The following BEGAIN variants were observed in gnomAD, a reference collection of about 807,000 sequenced individuals.
The protein encoded by BEGAIN is brain enriched guanylate kinase associated.
A neutral mutation model predicts 35.8 loss-of-function variants in BEGAIN; 19 were observed. That is an observed-to-expected ratio of 0.53 (90% CI 0.37 to 0.78). The LOEUF (loss-of-function observed/expected upper bound fraction) is 0.78, where lower values mean the gene tolerates loss of function less well. Among genes scored for constraint, BEGAIN ranks in the 30% least tolerant of loss-of-function variants. The pLI, the probability that BEGAIN is intolerant of heterozygous loss-of-function variation, is 0.00. For missense variants in BEGAIN, 795 were observed against 853.6 expected (o/e 0.93, Z 0.85); for synonymous variants, 462 against 388.6 (o/e 1.19, Z -2.22).
At chr14:100,587,202 TCCGCGC>T (rs1169246689) in intron 1 of BEGAIN, 41 bp downstream of exon 1, 20 of 171,970 alleles carry the variant, frequency 1.2e-4, no homozygotes, top group South Asian at 5.9e-4. Flanking sequence ...CCGCCCCGCC[TCCGCGC>T]CCGCGCCCGC....
intron 1 of BEGAIN, among the ~76,000 whole-genome samples, chr14:100,585,739 C>T (rs1002396587): frequency 1.3e-5 from 2 of 152,108 alleles, no homozygotes; most frequent in Non-Finnish European, 2.9e-5. Context: ...AACTCATCCT[C>T]CAGGCTGAGG....
At chr14:100,548,029 CAAATAA>C (rs2032761326) in intron 2 of BEGAIN, 1 of 152,170 alleles carries the variant, frequency 6.6e-6, no homozygotes, top group Non-Finnish European at 1.5e-5. Flanking sequence ...TTTTTAAAAA[CAAATAA>C]AAATAAAGCG....
chr14:100,551,135 G>A (rs1423031807), intron 2 of BEGAIN, among the ~76,000 whole-genome samples: 1 of 152,216 alleles, frequency 6.6e-6, no homozygotes, highest in Non-Finnish European at 1.5e-5. Flanking sequence ...GGGATCCGGG[G>A]TCCACTTCAC....
intron 6 of BEGAIN, 25 bp downstream of exon 6, chr14:100,540,471 G>C (rs746244591): frequency 7.7e-6 from 12 of 1,552,760 alleles, no homozygotes; most frequent in Non-Finnish European, 9.6e-6. Flanking sequence ...GGGGCGGGGT[G>C]GGCCTGGCTG....
In BEGAIN at chr14:100,539,293, C is replaced by T. The variant is rs1330669752; in HGVS notation, c.515G>A (p.Arg172His). 72 of 1,563,254 alleles carry T rather than the reference C, an allele frequency of 4.6e-5. No homozygotes were observed. Among genetic ancestry groups the T allele is most frequent in the Non-Finnish European group, 5.5e-5 (64 of 1,156,280 alleles). The change falls in exon 7 of 7, where the codon CGC becomes CAC. Residue 172 changes from arginine to histidine, a missense_variant. Physicochemically the swap from Arg to His is conservative, Grantham distance 29. Coordinates refer to ENST00000554140, the MANE Select transcript of BEGAIN (RefSeq NM_001385089.1). ...VSELPSDFQE[R>H]VSLHMEKHGC... is the part of the protein sequence containing the mutation. ...GTGCTTCTCCATGTGCAGGCTCACG[C>T]GCTCCTGGAAATCCGAGGGCAGCTG...
chr14:100,581,008 G>A (rs1295130237), intron 1 of BEGAIN, among the ~76,000 whole-genome samples: 1 of 152,168 alleles, frequency 6.6e-6, no homozygotes, highest in Admixed American at 6.5e-5. Context: ...TTCCCCAGCA[G>A]CAGCCGTTCA....
chr14:100,572,589 G>A (rs990875019), intron 1 of BEGAIN, among the ~76,000 whole-genome samples: 1 of 152,158 alleles, frequency 6.6e-6, no homozygotes, highest in African/African-American at 2.4e-5. Flanking sequence ...CCTCCTGGAG[G>A]GGAGGAAATG....
chr14:100,542,134 C>T (rs1312393006), intron 5 of BEGAIN, among the ~76,000 whole-genome samples: 2 of 152,172 alleles, frequency 1.3e-5, no homozygotes, highest in African/African-American at 4.8e-5. Context: ...CCATGTCCTC[C>T]TGTCCTCCTG....
At position 100,567,871 on chromosome 14, in the gene BEGAIN, C is replaced by T; in HGVS notation, c.71+40G>A. On this transcript the variant is annotated intron_variant, in intron 2 of 6. Coordinates refer to ENST00000554140, the MANE Select transcript of BEGAIN (RefSeq NM_001385089.1). The surrounding 1 kb of genome is among the most constrained non-coding windows in gnomAD (Gnocchi z 5.1). ...TTCCCCAGCGCCCTCACCCCCGACC[C>T]GGCCCCCGCGAGCCGCGGCACGGGA... The T allele has an allele frequency of 6.8e-7, 1 of 1,462,174 alleles. No individual in the cohort carries two copies. Among genetic ancestry groups the T allele is most frequent in the South Asian group, 1.3e-5 (1 of 79,492 alleles). The allele number at this position is 1,462,174 out of a possible 1,614,324, so 90.6% of individuals were successfully genotyped here.
intron 1 of BEGAIN, among the ~76,000 whole-genome samples, chr14:100,585,128 G>A (rs1483943996): frequency 6.6e-6 from 1 of 152,044 alleles, no homozygotes; most frequent in Non-Finnish European, 1.5e-5. Flanking sequence ...CACCTCCTGG[G>A]ACCCTGGGTA....
intron 6 of BEGAIN, among the ~76,000 whole-genome samples, chr14:100,539,946 A>G (rs1267191692): frequency 2.7e-5 from 4 of 146,834 alleles, no homozygotes; most frequent in Admixed American, 2.0e-4. Context: ...GGGAGATTGC[A>G]TGTGAGGGGA....
In BEGAIN at chr14:100,568,617, G is replaced by A. The variant is rs1278795367; in HGVS notation, c.43-678C>T. The A allele has an allele frequency of 1.1e-6, 1 of 938,068 alleles. No individual in the cohort carries two copies. Among genetic ancestry groups the A allele is most frequent in the Non-Finnish European group, 1.4e-6 (1 of 705,518 alleles). 58.1% of individuals were successfully genotyped at this position (938,068 alleles called of 1,614,324 possible). A position where few individuals can be genotyped will look rare whatever the true frequency, so the allele number is the denominator to read the frequency against. ...CTTGCTTGCGCAGACCCGCCCGCGC[G>A]CGGCTTGGAGACCCTCCCTGCCCAG... On this transcript the variant is annotated intron_variant, in intron 1 of 6. Transcript: ENST00000554140. The surrounding 1 kb of genome is among the most constrained non-coding windows in gnomAD (Gnocchi z 7.5).
Position 100,537,791 on chromosome 14 carries a change from G to T in BEGAIN, c.*178C>A. The T allele has an allele frequency of 1.0e-6, 1 of 981,114 alleles. No homozygotes were observed. 60.8% of individuals were successfully genotyped at this position (981,114 alleles called of 1,614,324 possible). On this transcript the variant is annotated 3_prime_UTR_variant, in exon 7 of 7. Coordinates refer to ENST00000554140, the MANE Select transcript of BEGAIN (RefSeq NM_001385089.1). ...CGGGGCCGGGTGGACACCGTGGTGT[G>T]GGGGACCCTCCCCTCAGGCCTACAG... is the stretch of plus-strand genomic sequence containing the variant.
At chr14:100,539,465 G>C in intron 6 of BEGAIN, 150 bp from the exon 7 acceptor site, 2 of 1,387,018 alleles carry the variant, frequency 1.4e-6, no homozygotes, top group Admixed American at 3.1e-5. Context: ...AATCACACCA[G>C]GGGGAGCCTG....
rs1191913501 is a variant in BEGAIN, at chr14:100,568,118, C to A, written c.43-179G>T. On this transcript the variant is annotated intron_variant, in intron 1 of 6. Transcript: ENST00000554140. The surrounding 1 kb of genome is among the most constrained non-coding windows in gnomAD (Gnocchi z 7.5). ...GCCGCGGCCCCCGTGACTCAGTGGG[C>A]GCGCCGGGCCGCGGCCGAGTAACAG... 3.9e-6 allele frequency: 4 copies of A among 1,015,854 alleles called. No individual in the cohort carries two copies. Among genetic ancestry groups the A allele is most frequent in the Non-Finnish European group, 4.7e-6 (4 of 850,480 alleles). The allele number at this position is 1,015,854 out of a possible 1,614,324, so 62.9% of individuals were successfully genotyped here. A position where few individuals can be genotyped will look rare whatever the true frequency, so the allele number is the denominator to read the frequency against.
At chr14:100,577,991 G>A (rs1166207135) in intron 1 of BEGAIN, 3 of 399,064 alleles carry the variant, frequency 7.5e-6, no homozygotes, top group East Asian at 3.6e-5. Flanking sequence ...CCCCAAGAGC[G>A]CCGTCACCCA....
In BEGAIN at chr14:100,538,259, C is replaced by A; in HGVS notation, c.1549G>T (p.Asp517Tyr). 6.4e-7 allele frequency: 1 copy of A among 1,563,186 alleles called. No individual in the cohort carries two copies. Among genetic ancestry groups the A allele is most frequent in the South Asian group, 1.2e-5 (1 of 85,488 alleles). The change falls in exon 7 of 7, where the codon GAC (aspartate) becomes TAC (tyrosine). Residue 517 changes from aspartate to tyrosine, a missense_variant. Transcript: ENST00000554140. ...GAGCGGCCGGGACTGAGGCTCAGGT[C>A]GCCGCCCGCCCGCAGGAAGCAGGGC... ...AEPCFLRAGG[D>Y]LSLSPGRSAD...
intron 2 of BEGAIN, among the ~76,000 whole-genome samples, chr14:100,555,554 G>A (rs765576228): frequency 6.6e-6 from 1 of 152,186 alleles, no homozygotes; most frequent in Non-Finnish European, 1.5e-5. Flanking sequence ...ACCCCACCCC[G>A]TTTTCCAGAT....
In BEGAIN at chr14:100,539,034, C is replaced by A; in HGVS notation, c.774G>T (p.Arg258=). ...SDTALYCPEE[R]RRDRRPSVDA... ...CCACGCTAGGCCGCCGGTCTCGCCG[C>A]CGCTCCTCCGGGCAGTAGAGGGCTG... is the stretch of plus-strand genomic sequence containing the variant. The change falls in exon 7 of 7, where the codon CGG becomes CGT. Residue 258 remains arginine (R), a synonymous_variant. Coordinates refer to ENST00000554140, the MANE Select transcript of BEGAIN (RefSeq NM_001385089.1). 6.2e-7 allele frequency: 1 copy of A among 1,612,038 alleles called. No individual in the cohort carries two copies. Among genetic ancestry groups the A allele is most frequent in the Non-Finnish European group, 8.5e-7 (1 of 1,179,506 alleles).
Sources: gnomAD v4.1 joint callset for allele counts (sites outside exome capture counted in the v4.1 genomes callset) on GRCh38, gnomAD v4.1.1 for gene constraint, Gnocchi (gnomAD v3.1) non-coding constraint, MANE v1.5 for transcripts, NCBI Gene and HGNC (gene_info 2026-07-23, HGNC 2026-07-21) for gene names.